The following CGGBP1 variants were observed in gnomAD, a reference collection of about 807,000 sequenced individuals.
CGGBP1 encodes the protein CGG triplet repeat-binding protein 1.
In CGGBP1, 4 loss-of-function variants were observed where a neutral mutation model predicts 11.4. That is an observed-to-expected ratio of 0.35 (90% CI 0.17 to 0.80). CGGBP1 has a LOEUF of 0.80. Among genes scored for constraint, CGGBP1 ranks in the 30% least tolerant of loss-of-function variants. The probability of loss-of-function intolerance (pLI) is 0.52; values close to 1 mark genes in which losing one functional copy is unlikely to be tolerated. For synonymous variants in CGGBP1, 76 were observed against 74.1 expected, an observed-to-expected ratio of 1.03 and a Z score of -0.13; for missense variants, 135 against 202.1, an observed-to-expected ratio of 0.67 and a Z score of 2.01.
chr3:88,135,491 G>C (rs1022189721), intron 2 of CGGBP1: 14 of 200,010 alleles, frequency 7.0e-5, no homozygotes, highest in Non-Finnish European at 1.2e-4. Flanking sequence ...CCCATTTATA[G>C]AATCTTAACT....
At chr3:88,107,630 T>G (rs1240512624) in intron 2 of CGGBP1, among the ~76,000 whole-genome samples, 1 of 152,174 alleles carries the variant, frequency 6.6e-6, no homozygotes, top group Admixed American at 6.5e-5. Flanking sequence ...ATACTCCACC[T>G]CTGTGTTCCT....
chr3:88,146,819 CTT>C (rs902581637), intron 1 of CGGBP1, among the ~76,000 whole-genome samples: 2 of 152,190 alleles, frequency 1.3e-5, no homozygotes, highest in African/African-American at 4.8e-5. Flanking sequence ...AGCCAGATCT[CTT>C]GATTACTCCC....
chr3:88,064,200 ACTGG>A (rs1707064639), intron 2 of CGGBP1, among the ~76,000 whole-genome samples: 1 of 150,878 alleles, frequency 6.6e-6, no homozygotes, highest in East Asian at 1.9e-4. Context: ...AGAGGCTATC[ACTGG>A]CAACTCTTTC....
chr3:88,116,850 T>C (rs997965900), intron 2 of CGGBP1, among the ~76,000 whole-genome samples: 5 of 152,136 alleles, frequency 3.3e-5, no homozygotes, highest in Non-Finnish European at 5.9e-5. Flanking sequence ...CTCTCTTTGT[T>C]TGGGCATGAA....
intron 2 of CGGBP1, among the ~76,000 whole-genome samples, chr3:88,082,108 C>T (rs975443383): frequency 7.9e-5 from 12 of 151,762 alleles, no homozygotes; most frequent in Non-Finnish European, 1.5e-4. Context: ...AATTGTGACA[C>T]GTCTTCTGGT....
intron 2 of CGGBP1, among the ~76,000 whole-genome samples, chr3:88,089,214 G>A (rs1164983020): frequency 2.0e-5 from 3 of 148,884 alleles, no homozygotes; most frequent in Admixed American, 6.7e-5. Context: ...AAAAAAGCCC[G>A]GGTGCGGTGG....
chr3:88,085,613 T>C (rs1439081168), intron 2 of CGGBP1, among the ~76,000 whole-genome samples: 1 of 152,186 alleles, frequency 6.6e-6, no homozygotes, highest in Admixed American at 6.5e-5. Flanking sequence ...TTCTCATAAA[T>C]TACCCCAATT....
chr3:88,129,295 T>G (rs1706297954), intron 2 of CGGBP1, among the ~76,000 whole-genome samples: 1 of 85,754 alleles, frequency 1.2e-5, no homozygotes, highest in Non-Finnish European at 2.3e-5. Flanking sequence ...CAAATAAAAG[T>G]CAACAAGCTC....
rs898783587 is a variant in CGGBP1 at position 88,055,373 on chromosome 3, CAT to C, written c.*98_*99del. On this transcript the variant is annotated 3_prime_UTR_variant, in exon 4 of 4. Coordinates refer to ENST00000482016, the MANE Select transcript of CGGBP1 (RefSeq NM_001008390.2). The surrounding 1 kb of genome is among the most constrained non-coding windows in gnomAD (Gnocchi z 4.2). ...CACATTGCAAAACTATTCTGCGTCA[CAT>C]GATTTTAAATGAAATAAATACAAAA... 3.7e-5 allele frequency: 44 copies of C among 1,197,770 alleles called. No individual in the cohort carries two copies. The highest frequency in any genetic ancestry group is 3.0e-4 in the Admixed American group (12 of 40,224). 74.2% of individuals were successfully genotyped at this position (1,197,770 alleles called of 1,614,324 possible).
intron 2 of CGGBP1, among the ~76,000 whole-genome samples, chr3:88,083,516 G>A (rs9835771): frequency 0.78 from 119,178 of 152,068 alleles, 47,607 homozygotes; most frequent in South Asian, 0.91. Flanking sequence ...ATATCATAGC[G>A]TGCTTCTGGC....
At chr3:88,107,244 C>T (rs1242889755) in intron 2 of CGGBP1, among the ~76,000 whole-genome samples, 2 of 152,126 alleles carry the variant, frequency 1.3e-5, no homozygotes, top group South Asian at 4.1e-4. Flanking sequence ...AATGAATGCT[C>T]ATGTTATTGA....
At position 88,100,374 on chromosome 3, in the gene CGGBP1, G is replaced by A. The variant is rs538129353; in HGVS notation, c.-229+40596C>T. Among the ~76,000 whole-genome samples the A allele has an allele frequency of 5.4e-3, 815 of 152,268 alleles. 6 individuals are homozygous for A. Among genetic ancestry groups the A allele is most frequent in the African/African-American group, 0.017 (700 of 41,552 alleles). On this transcript the variant is annotated intron_variant, in intron 2 of 3. Transcript: ENST00000462901. The stretch of plus-strand genomic sequence containing the variant: ...ATAGGAACACTTTTACACTGTTGGT[G>A]GGACTGTAAACTAGTTCAACCATTG...
chr3:88,108,584 C>T (rs1342353874), intron 2 of CGGBP1, among the ~76,000 whole-genome samples: 2 of 152,156 alleles, frequency 1.3e-5, no homozygotes, highest in Non-Finnish European at 2.9e-5. Flanking sequence ...ACCATCCCAA[C>T]TAGGATGTGC....
At chr3:88,086,373 T>C (rs2107662126) in intron 2 of CGGBP1, 1 of 1,534,868 alleles carries the variant, frequency 6.5e-7, no homozygotes, top group Non-Finnish European at 8.7e-7. Flanking sequence ...AATGTGAGCA[T>C]GTACAATATG....
chr3:88,074,457 T>C (rs1274628098), intron 2 of CGGBP1, among the ~76,000 whole-genome samples: 1 of 151,442 alleles, frequency 6.6e-6, no homozygotes, highest in Non-Finnish European at 1.5e-5. Flanking sequence ...CTCTCCTGCC[T>C]CAGCCTCCCA....
chr3:88,116,287 G>A (rs1254645905), intron 2 of CGGBP1, among the ~76,000 whole-genome samples: 3 of 152,050 alleles, frequency 2.0e-5, no homozygotes, highest in Non-Finnish European at 4.4e-5. Context: ...TTGGGAGGCC[G>A]AGGCGGGCAG....
At chr3:88,140,387 A>C in intron 2 of CGGBP1, 1 of 1,613,228 alleles carries the variant, frequency 6.2e-7, no homozygotes. Context: ...ATGAGAAACA[A>C]ACTATTAGTC....
intron 2 of CGGBP1, among the ~76,000 whole-genome samples, chr3:88,080,294 A>G (rs1225194507): frequency 1.3e-5 from 2 of 152,142 alleles, no homozygotes. Context: ...GAACCAGTTC[A>G]TACTGATGTA....
At chr3:88,111,917 G>A (rs1397793292) in intron 2 of CGGBP1, among the ~76,000 whole-genome samples, 22 of 151,896 alleles carry the variant, frequency 1.4e-4, no homozygotes, top group Non-Finnish European at 3.1e-4. Context: ...ATAAGAGCAT[G>A]TTTTTCTATT....
Sources: gnomAD v4.1 joint callset for allele counts (sites outside exome capture counted in the v4.1 genomes callset) on GRCh38, gnomAD v4.1.1 for gene constraint, Gnocchi (gnomAD v3.1) non-coding constraint, MANE v1.5 for transcripts, NCBI Gene and HGNC (gene_info 2026-07-23, HGNC 2026-07-21) for gene names.